Variants in ATAD5 observed in about 807,000 individuals in gnomAD.
ATAD5 encodes the protein ATPase family AAA domain containing 5, also known as ATPase family AAA domain-containing protein 5.
ATAD5 carries 58 observed loss-of-function variants against 176.9 expected under a neutral mutation model. The ratio of observed to expected loss-of-function variants is 0.33; its 90% CI spans 0.27 to 0.41. ATAD5 has a LOEUF of 0.41. ATAD5 is among the 10% of genes least tolerant of loss of function. The probability of loss-of-function intolerance (pLI) is 1.00; values close to 1 mark genes in which losing one functional copy is unlikely to be tolerated. For missense variants in ATAD5, 1,789 were observed against 2,094.1 expected (o/e 0.85, Z 2.84); for synonymous variants, 640 against 712.6 (o/e 0.90, Z 1.62).
Position 30,855,332 on chromosome 17 carries a change from G to A in ATAD5, c.2635+5G>A. The A allele has an allele frequency of 6.4e-7, 1 of 1,572,698 alleles. No individual in the cohort carries two copies. Among genetic ancestry groups the A allele is most frequent in the Non-Finnish European group, 8.6e-7 (1 of 1,161,870 alleles). ...ATGTGCAACAAAAGGATGATGGTAA[G>A]TTTGTTTTTTATTATTGAATATTTA... On this transcript the variant is annotated splice_donor_5th_base_variant and intron_variant, in intron 7 of 22. Transcript: ENST00000321990.
At chr17:30,872,807 C>T (rs1908417202) in intron 14 of ATAD5, among the ~76,000 whole-genome samples, 2 of 152,142 alleles carry the variant, frequency 1.3e-5, no homozygotes, top group South Asian at 2.1e-4. Context: ...CTGCCCGCCT[C>T]GGTCTCCCAG....
intron 19 of ATAD5, among the ~76,000 whole-genome samples, chr17:30,887,785 C>T (rs866772444): frequency 5.3e-5 from 8 of 151,958 alleles, no homozygotes; most frequent in African/African-American, 9.7e-5. Flanking sequence ...CACTGCACTC[C>T]GGCCCAGACA....
chr17:30,843,007 G>A (rs1340598460), intron 4 of ATAD5, among the ~76,000 whole-genome samples: 2 of 150,782 alleles, frequency 1.3e-5, no homozygotes, highest in African/African-American at 4.9e-5. Context: ...GCCTCCCCAA[G>A]TGCTGAGATT....
At chr17:30,872,619 G>T (rs576847665) in intron 14 of ATAD5, among the ~76,000 whole-genome samples, 1 of 150,198 alleles carries the variant, frequency 6.7e-6, no homozygotes, top group Non-Finnish European at 1.5e-5. Flanking sequence ...GCAGTGGTGC[G>T]ATCTTGGTGC....
chr17:30,862,175 A>G (rs1012897405), intron 10 of ATAD5, among the ~76,000 whole-genome samples: 6 of 151,386 alleles, frequency 4.0e-5, no homozygotes, highest in Non-Finnish European at 7.4e-5. Flanking sequence ...CTCTACTAAA[A>G]ATACAAAAAT....
intron 8 of ATAD5, among the ~76,000 whole-genome samples, chr17:30,857,523 T>G (rs758616340): frequency 5.3e-5 from 8 of 152,110 alleles, no homozygotes; most frequent in Non-Finnish European, 7.4e-5. Flanking sequence ...GCCTAATATT[T>G]AAAAATAAAT....
At chr17:30,833,397 A>AG (rs1905498142) in intron 1 of ATAD5, among the ~76,000 whole-genome samples, 1 of 152,200 alleles carries the variant, frequency 6.6e-6, no homozygotes. Context: ...TTAATATGTT[A>AG]GGGGTAAGAA....
chr17:30,885,451 T>C (rs939056798), intron 18 of ATAD5, among the ~76,000 whole-genome samples: 11 of 152,134 alleles, frequency 7.2e-5, no homozygotes, highest in Non-Finnish European at 1.5e-4. Flanking sequence ...CCTTATTTCA[T>C]TGGGTAGGAC....
intron 17 of ATAD5, 78 bp downstream of exon 17, chr17:30,878,174 T>A: frequency 1.0e-6 from 1 of 953,634 alleles, no homozygotes; most frequent in Non-Finnish European, 1.6e-6. Flanking sequence ...TAATTATAAT[T>A]AACTCACAAA....
chr17:30,873,931 C>CT (rs1324318563), intron 14 of ATAD5, among the ~76,000 whole-genome samples: 2 of 152,024 alleles, frequency 1.3e-5, no homozygotes, highest in African/African-American at 4.8e-5. Flanking sequence ...CTATGGGAGG[C>CT]TGAGGCAGGT....
chr17:30,834,549 T>G lies in ATAD5; in HGVS notation c.468T>G (p.Thr156=), dbSNP rs1905586951. 1 of 1,599,788 alleles carries G rather than the reference T, an allele frequency of 6.3e-7. No homozygotes were observed. The highest frequency in any genetic ancestry group is 1.8e-5 in the Admixed American group (1 of 56,406). Residue 156 remains threonine, a synonymous_variant, in exon 2 of 23, where the codon ACT becomes ACG. Transcript: ENST00000321990. ...SLNNDFVESS[T]SVLRYKKQVE... ...ATAATGATTTTGTGGAAAGTAGTAC[T>G]TCTGTTTTACGTTACAAGAAACAAG...
At position 30,840,195 on chromosome 17, in the gene ATAD5, TAAA is replaced by T. The variant is rs55696194; in HGVS notation, c.2077-400_2077-398del. Among the ~76,000 whole-genome samples, 522 of 106,054 alleles carry T rather than the reference TAAA, an allele frequency of 4.9e-3. 6 individuals carry two copies. Among genetic ancestry groups the T allele is most frequent in the African/African-American group, 0.018 (502 of 28,120 alleles). 69.6% of individuals were successfully genotyped at this position (106,054 alleles called of 152,430 possible). A position where few individuals can be genotyped will look rare whatever the true frequency, so the allele number is the denominator to read the frequency against. On this transcript the variant is annotated intron_variant, in intron 3 of 22. Coordinates refer to ENST00000321990, the MANE Select transcript of ATAD5 (RefSeq NM_024857.5). ...CCTTGGCAGCAGAGCTAGACTCTGT[TAAA>T]AAAAAAAAAAAAAAAAAAAAACAAC...
intron 9 of ATAD5, among the ~76,000 whole-genome samples, chr17:30,858,797 C>T (rs1907447251): frequency 1.3e-5 from 2 of 152,206 alleles, no homozygotes; most frequent in African/African-American, 4.8e-5. Context: ...TCCTGTGTCT[C>T]AGCCTCCTGA....
chr17:30,834,062 A>G (rs1483582941), intron 1 of ATAD5, 86 bp from the exon 2 acceptor site: 5 of 1,124,600 alleles, frequency 4.4e-6, no homozygotes, highest in Non-Finnish European at 4.8e-6. Flanking sequence ...TAATCCTATT[A>G]TGTAAACTAT....
intron 8 of ATAD5, among the ~76,000 whole-genome samples, chr17:30,857,534 C>A (rs1480960386): frequency 1.3e-5 from 2 of 152,006 alleles, no homozygotes; most frequent in Non-Finnish European, 2.9e-5. Flanking sequence ...AAAAATAAAT[C>A]CTAATTGTAG....
chr17:30,873,410 C>A (rs888920923), intron 14 of ATAD5, among the ~76,000 whole-genome samples: 1 of 151,516 alleles, frequency 6.6e-6, no homozygotes, highest in African/African-American at 2.4e-5. Flanking sequence ...CTCCGTCTCC[C>A]AGGTTCAAGT....
intron 18 of ATAD5, among the ~76,000 whole-genome samples, chr17:30,880,012 A>G (rs1220519013): frequency 6.6e-6 from 1 of 150,508 alleles, no homozygotes; most frequent in Non-Finnish European, 1.5e-5. Context: ...CAATCAATCA[A>G]TCAATAAGGC....
At chr17:30,855,107 C>T (rs943561494) in intron 6 of ATAD5, 36 bp from the exon 7 acceptor site, 1 of 1,519,878 alleles carries the variant, frequency 6.6e-7, no homozygotes, top group Non-Finnish European at 8.9e-7. Context: ...ATGTTTATAA[C>T]CTTAGCTTTT....
intron 19 of ATAD5, among the ~76,000 whole-genome samples, chr17:30,891,224 T>C (rs1326968307): frequency 1.3e-5 from 2 of 152,150 alleles, no homozygotes; most frequent in Non-Finnish European, 2.9e-5. Context: ...TAGTATATGA[T>C]GGTTTTTTTA....
Sources: gnomAD v4.1 joint callset for allele counts (sites outside exome capture counted in the v4.1 genomes callset) on GRCh38, gnomAD v4.1.1 for gene constraint, MANE v1.5 for transcripts, NCBI Gene and HGNC (gene_info 2026-07-23, HGNC 2026-07-21) for gene names.